PARP4: variants seen among roughly 807,000 people sequenced by gnomAD.
The protein encoded by PARP4 is protein mono-ADP-ribosyltransferase PARP4.
A neutral mutation model predicts 187.7 loss-of-function variants in PARP4; 120 were observed. That is an observed-to-expected ratio of 0.64 (90% CI 0.55 to 0.74). The LOEUF is 0.74. Among genes scored for constraint, PARP4 ranks in the 30% least tolerant of loss-of-function variants. The probability of loss-of-function intolerance (pLI) is 0.00; values close to 1 mark genes in which losing one functional copy is unlikely to be tolerated. For synonymous variants in PARP4, 654 were observed against 740.9 expected (o/e 0.88, Z 1.90); for missense variants, 1,836 against 2,070.5 (o/e 0.89, Z 2.20).
chr13:24,506,363 G>A (rs928759162), intron 1 of PARP4, among the ~76,000 whole-genome samples: 5 of 152,164 alleles, frequency 3.3e-5, no homozygotes, highest in African/African-American at 9.7e-5. Context: ...TTTACTGCAA[G>A]GAGTGAAAAA....
chr13:24,483,701 A>G (rs1463260076), intron 12 of PARP4, among the ~76,000 whole-genome samples: 1 of 152,040 alleles, frequency 6.6e-6, no homozygotes, highest in Non-Finnish European at 1.5e-5. Context: ...ATCTCAGCTC[A>G]CTGCAATCTC....
At chr13:24,456,594 T>C in intron 20 of PARP4, 116 bp from the exon 21 acceptor site, 1 of 909,098 alleles carries the variant, frequency 1.1e-6, no homozygotes, top group Non-Finnish European at 1.5e-6. Context: ...CTATTAAGAA[T>C]CAACAAAGTA....
At chr13:24,449,603 G>T in intron 25 of PARP4, 115 bp downstream of exon 25, 1 of 623,700 alleles carries the variant, frequency 1.6e-6, no homozygotes. Flanking sequence ...GGCAGTGCTT[G>T]CCTCTTTACG....
intron 32 of PARP4, 113 bp from the exon 33 acceptor site, chr13:24,426,711 A>T: frequency 1.1e-6 from 1 of 944,086 alleles, no homozygotes; most frequent in Non-Finnish European, 1.6e-6. Flanking sequence ...AACACAATGA[A>T]ACTCCATCTC....
chr13:24,505,913 G>A (rs553635765), intron 1 of PARP4, among the ~76,000 whole-genome samples: 6 of 152,330 alleles, frequency 3.9e-5, no homozygotes, highest in East Asian at 1.9e-4. Flanking sequence ...CGGCCCACGC[G>A]TCTTGGGACT....
intron 27 of PARP4, among the ~76,000 whole-genome samples, chr13:24,446,393 C>G (rs9507345): frequency 0.82 from 125,020 of 152,194 alleles, 53,980 homozygotes; most frequent in East Asian, 0.98. Context: ...AAAGTACAGA[C>G]AGCAGGGGTA....
At chr13:24,422,591 A>C (rs1869801185) in intron 33 of PARP4, among the ~76,000 whole-genome samples, 2 of 152,180 alleles carry the variant, frequency 1.3e-5, no homozygotes, top group Admixed American at 1.3e-4. Flanking sequence ...TCAAATATGC[A>C]ATAAACAGGA....
Position 24,461,930 on chromosome 13 carries a change from G to A in PARP4, c.2134-1794C>T, listed in dbSNP as rs1018408981. On this transcript the variant is annotated intron_variant, in intron 17 of 33. Coordinates refer to ENST00000381989, the MANE Select transcript of PARP4 (RefSeq NM_006437.4). ...TGGGGCAGGGGATGACACCCTCCTA[G>A]GCCCAGGATCCTGCACTAGTACAAA... Among the ~76,000 whole-genome samples, 10 of 152,272 alleles carry A rather than the reference G, an allele frequency of 6.6e-5. 1 individual carries two copies. Among genetic ancestry groups the A allele is most frequent in the Admixed American group, 6.5e-4 (10 of 15,290 alleles).
At chr13:24,510,499 A>C (rs1197908658) in intron 1 of PARP4, among the ~76,000 whole-genome samples, 1 of 138,694 alleles carries the variant, frequency 7.2e-6, no homozygotes, top group Non-Finnish European at 1.5e-5. Context: ...GCTTGCAGTG[A>C]GCGGAGATCC....
intron 23 of PARP4, 84 bp downstream of exon 23, chr13:24,453,503 G>T: frequency 1.3e-6 from 1 of 758,558 alleles, no homozygotes; most frequent in Non-Finnish European, 2.3e-6. Flanking sequence ...CTCTGATGGT[G>T]GCTTGAGTGG....
chr13:24,476,720 A>G (rs1431765109), intron 14 of PARP4, among the ~76,000 whole-genome samples: 1 of 152,220 alleles, frequency 6.6e-6, no homozygotes, highest in Non-Finnish European at 1.5e-5. Flanking sequence ...ATGGTCAAAA[A>G]TGTTAATGTG....
chr13:24,426,008 T>G (rs1053005301), intron 33 of PARP4, among the ~76,000 whole-genome samples: 1 of 152,192 alleles, frequency 6.6e-6, no homozygotes, highest in African/African-American at 2.4e-5. Context: ...TTAGAACACA[T>G]TTAATCTAAT....
intron 30 of PARP4, among the ~76,000 whole-genome samples, chr13:24,435,738 G>A (rs1466482265): frequency 6.6e-6 from 1 of 152,022 alleles, no homozygotes; most frequent in African/African-American, 2.4e-5. Flanking sequence ...GTGACACAGC[G>A]AGGCTCCATC....
chr13:24,455,480 A>AATGTATATATATATAT (rs1871775756), intron 21 of PARP4, among the ~76,000 whole-genome samples: 1 of 108,400 alleles, frequency 9.2e-6, no homozygotes, highest in African/African-American at 3.2e-5. Flanking sequence ...TTATGGAACA[A>AATGTATATATATATAT]ATATATATAT....
intron 27 of PARP4, among the ~76,000 whole-genome samples, chr13:24,445,886 G>A (rs554292359): frequency 5.3e-5 from 8 of 152,268 alleles, no homozygotes; most frequent in African/African-American, 1.9e-4. Flanking sequence ...ACTCTGTGAG[G>A]TCTGTGCCAA....
intron 11 of PARP4, among the ~76,000 whole-genome samples, chr13:24,485,654 T>TA (rs1055394410): frequency 3.3e-4 from 51 of 152,314 alleles, no homozygotes; most frequent in African/African-American, 1.2e-3. Context: ...AACAGAATCT[T>TA]AGAGTTATGT....
intron 30 of PARP4, among the ~76,000 whole-genome samples, chr13:24,438,633 G>A (rs1204585785): frequency 2.6e-5 from 4 of 152,220 alleles, no homozygotes; most frequent in Admixed American, 6.5e-5. Context: ...TTTGGGGTTG[G>A]TGCAGAAGAC....
intron 10 of PARP4, among the ~76,000 whole-genome samples, chr13:24,488,845 C>T (rs1387648172): frequency 7.2e-5 from 11 of 152,136 alleles, no homozygotes; most frequent in Non-Finnish European, 1.6e-4. Flanking sequence ...TCTAATGGCA[C>T]CACACAATTT....
chr13:24,481,601 A>T (rs1040907230), intron 12 of PARP4, among the ~76,000 whole-genome samples: 5 of 152,126 alleles, frequency 3.3e-5, no homozygotes, highest in African/African-American at 1.2e-4. Context: ...GCTGAGACAG[A>T]AGAATCGCTT....
Sources: gnomAD v4.1 joint callset for allele counts (sites outside exome capture counted in the v4.1 genomes callset) on GRCh38, gnomAD v4.1.1 for gene constraint, MANE v1.5 for transcripts, NCBI Gene and HGNC (gene_info 2026-07-23, HGNC 2026-07-21) for gene names.